Variants in SEM1 observed in about 807,000 individuals in gnomAD.
The protein encoded by SEM1 is SEM1 26S proteasome subunit, also known as 26S proteasome complex subunit SEM1.
Under a neutral mutation model 12.7 loss-of-function variants are expected in SEM1, and 3 were observed. The observed-to-expected ratio is 0.24, with a 90% confidence interval of 0.11 to 0.61. SEM1 has a LOEUF of 0.61. SEM1 is among the 20% of genes least tolerant of loss of function. The pLI, the probability that SEM1 is intolerant of heterozygous loss-of-function variation, is 0.88. For synonymous variants in SEM1, 30 were observed against 27.8 expected (o/e 1.08, Z -0.25); for missense variants, 59 against 81.3 (o/e 0.73, Z 1.06).
intron 3 of SEM1, among the ~76,000 whole-genome samples, chr7:96,504,366 T>G (rs1202785267): frequency 6.6e-6 from 1 of 152,146 alleles, no homozygotes; most frequent in Non-Finnish European, 1.5e-5. Context: ...CCCCACTTTA[T>G]TTTTCCCCAG....
At chr7:96,569,316 T>C (rs952575029) in intron 2 of SEM1, among the ~76,000 whole-genome samples, 2 of 152,038 alleles carry the variant, frequency 1.3e-5, no homozygotes, top group Non-Finnish European at 2.9e-5. Flanking sequence ...AAGGAGAAAT[T>C]GAGGTGTGAC....
intron 2 of SEM1, chr7:96,649,689 T>C (rs111992577): frequency 3.9e-5 from 6 of 152,346 alleles, no homozygotes; most frequent in African/African-American, 1.4e-4. Flanking sequence ...CCCATTGTCA[T>C]CTGGTCCCAG....
chr7:96,692,402 G>A (rs758124344), intron 2 of SEM1, among the ~76,000 whole-genome samples: 7 of 152,100 alleles, frequency 4.6e-5, no homozygotes, highest in Non-Finnish European at 7.4e-5. Context: ...ACTCTGACAC[G>A]TGATTAAAAA....
At chr7:96,575,317 C>A (rs1322421954) in intron 2 of SEM1, among the ~76,000 whole-genome samples, 2 of 152,188 alleles carry the variant, frequency 1.3e-5, no homozygotes, top group African/African-American at 2.4e-5. Context: ...GCAAAGATTG[C>A]TCCCTGTTCC....
chr7:96,658,096 ACACT>A (rs1388010120), intron 2 of SEM1, among the ~76,000 whole-genome samples: 23 of 152,270 alleles, frequency 1.5e-4, no homozygotes, highest in Admixed American at 9.8e-4. Context: ...ATCAATTATG[ACACT>A]CAATTAGGTT....
chr7:96,515,670 T>C (rs1804071082), intron 2 of SEM1, among the ~76,000 whole-genome samples: 1 of 152,154 alleles, frequency 6.6e-6, no homozygotes, highest in South Asian at 2.1e-4. Context: ...ATGTGGCACA[T>C]ATACACCATG....
At chr7:96,604,702 T>C (rs947175670) in intron 2 of SEM1, among the ~76,000 whole-genome samples, 2 of 151,968 alleles carry the variant, frequency 1.3e-5, no homozygotes, top group African/African-American at 4.8e-5. Flanking sequence ...GCGAATCACT[T>C]GAGGTCCAGA....
At chr7:96,668,589 G>A (rs886615731), downstream of SEM1, among the ~76,000 whole-genome samples, 4 of 152,156 alleles carry the variant, frequency 2.6e-5, no homozygotes, top group Admixed American at 6.6e-5. Flanking sequence ...TTCATGTGGT[G>A]TAGTGTAAAG....
At chr7:96,707,617 T>C (rs757148649) in intron 1 of SEM1, among the ~76,000 whole-genome samples, 4 of 152,216 alleles carry the variant, frequency 2.6e-5, no homozygotes, top group Non-Finnish European at 5.9e-5. Context: ...CTTTTGTCCT[T>C]AGAAAGAATA....
In SEM1 at chr7:96,611,475, T is replaced by A. The variant is rs115045319; in HGVS notation, c.170+83323A>T. ...CATGCCATGGAATATGAGCAAAAGTTACATGAGTGATGAAGACCAGAAGTT... is the reference window on the plus strand; with the variant it reads ...CATGCCATGGAATATGAGCAAAAGTAACATGAGTGATGAAGACCAGAAGTT... On this transcript the variant is annotated intron_variant and NMD_transcript_variant, in intron 2 of 3. Coordinates refer to the SEM1 transcript ENST00000466986. 5.4e-3 allele frequency among the ~76,000 whole-genome samples: 821 copies of A among 152,196 alleles called. 9 individuals carry two copies. The highest frequency in any genetic ancestry group is 0.019 in the African/African-American group (780 of 41,528).
At chr7:96,654,881 C>T (rs900178058) in intron 2 of SEM1, among the ~76,000 whole-genome samples, 4 of 152,102 alleles carry the variant, frequency 2.6e-5, no homozygotes, top group South Asian at 2.1e-4. Context: ...GTCCACAATT[C>T]GCAGTCACAG....
intron 2 of SEM1, among the ~76,000 whole-genome samples, chr7:96,577,393 T>G (rs1563068689): frequency 6.6e-6 from 1 of 152,116 alleles, no homozygotes; most frequent in Non-Finnish European, 1.5e-5. Flanking sequence ...AGTGACTCTT[T>G]GGGTGAAAAG....
intron 2 of SEM1, among the ~76,000 whole-genome samples, chr7:96,525,014 C>G (rs947431840): frequency 2.6e-5 from 4 of 152,106 alleles, no homozygotes; most frequent in African/African-American, 4.8e-5. Context: ...CAGCCACAGA[C>G]TGCTGGTGGC....
intron 2 of SEM1, among the ~76,000 whole-genome samples, chr7:96,627,475 AT>A (rs1808109374): frequency 6.6e-6 from 1 of 151,402 alleles, no homozygotes; most frequent in Non-Finnish European, 1.5e-5. Context: ...TTCCTTTATC[AT>A]TTGTTTCAAG....
intron 1 of SEM1, among the ~76,000 whole-genome samples, chr7:96,706,691 G>A: frequency 6.7e-6 from 1 of 150,374 alleles, no homozygotes; most frequent in South Asian, 2.1e-4. Flanking sequence ...ATGTAGCAAC[G>A]CCACTCCCAA....
intron 2 of SEM1, among the ~76,000 whole-genome samples, chr7:96,648,585 C>T (rs1051992079): frequency 6.6e-6 from 1 of 152,034 alleles, no homozygotes; most frequent in African/African-American, 2.4e-5. Flanking sequence ...ATTTTTTGCC[C>T]ACAAGGAACT....
At chr7:96,642,400 T>G (rs1808643305) in intron 2 of SEM1, among the ~76,000 whole-genome samples, 1 of 152,202 alleles carries the variant, frequency 6.6e-6, no homozygotes, top group South Asian at 2.1e-4. Flanking sequence ...TCAGGAAAAC[T>G]TACTTCAATT....
upstream of SEM1, among the ~76,000 whole-genome samples, chr7:96,500,282 C>A (rs1302196941): frequency 2.0e-5 from 3 of 151,742 alleles, no homozygotes; most frequent in Admixed American, 6.6e-5. Flanking sequence ...TTCTTGGTGG[C>A]CGCATCGAAG....
At chr7:96,651,739 T>A (rs1411722020) in intron 2 of SEM1, among the ~76,000 whole-genome samples, 1 of 152,104 alleles carries the variant, frequency 6.6e-6, no homozygotes. Context: ...ACCCAGCTAA[T>A]GTTTATATTT....
Sources: gnomAD v4.1 joint callset for allele counts (sites outside exome capture counted in the v4.1 genomes callset) on GRCh38, gnomAD v4.1.1 for gene constraint, MANE v1.5 for transcripts, NCBI Gene and HGNC (gene_info 2026-07-23, HGNC 2026-07-21) for gene names.